The following DDX10 variants were observed in gnomAD, a reference collection of about 807,000 sequenced individuals.
The protein encoded by DDX10 is probable ATP-dependent RNA helicase DDX10.
DDX10 carries 74 observed loss-of-function variants against 104.3 expected under a neutral mutation model. That is an observed-to-expected ratio of 0.71 (90% CI 0.59 to 0.86). The LOEUF (loss-of-function observed/expected upper bound fraction) is 0.86, where lower values mean the gene tolerates loss of function less well. DDX10 is among the 40% of genes least tolerant of loss of function. The probability of loss-of-function intolerance (pLI) is 0.00; values close to 1 mark genes in which losing one functional copy is unlikely to be tolerated. For missense variants in DDX10, 952 were observed against 1,040.0 expected, an observed-to-expected ratio of 0.92 and a Z score of 1.16; for synonymous variants, 351 against 353.4, an observed-to-expected ratio of 0.99 and a Z score of 0.08.
At chr11:108,739,321 G>A (rs2094322265) in intron 13 of DDX10, among the ~76,000 whole-genome samples, 1 of 152,168 alleles carries the variant, frequency 6.6e-6, no homozygotes, top group African/African-American at 2.4e-5. Flanking sequence ...CCATGTGAAA[G>A]CCATTGCTTT....
chr11:108,883,661 C>G (rs1331111508), intron 16 of DDX10, among the ~76,000 whole-genome samples: 3 of 152,052 alleles, frequency 2.0e-5, no homozygotes, highest in Non-Finnish European at 4.4e-5. Context: ...TTACCACTTC[C>G]TCATCTCTCA....
chr11:108,915,457 T>G (rs199927894), intron 16 of DDX10, among the ~76,000 whole-genome samples: 44,256 of 149,692 alleles, frequency 0.3, 8,359 homozygotes, highest in African/African-American at 0.55. Flanking sequence ...GTTTTTTTTT[T>G]TTTGTTTGTT....
chr11:108,744,757 G>A (rs1457207601), intron 13 of DDX10, among the ~76,000 whole-genome samples: 1 of 152,168 alleles, frequency 6.6e-6, no homozygotes, highest in African/African-American at 2.4e-5. Flanking sequence ...ATACAAGATA[G>A]CAGTGTAAGA....
At chr11:108,805,819 T>C (rs975971800) in intron 13 of DDX10, among the ~76,000 whole-genome samples, 1 of 152,188 alleles carries the variant, frequency 6.6e-6, no homozygotes, top group African/African-American at 2.4e-5. Flanking sequence ...AATTTACTTA[T>C]ATTCTTGAAA....
At chr11:108,739,249 C>CT (rs763581592) in intron 13 of DDX10, among the ~76,000 whole-genome samples, 57 of 152,306 alleles carry the variant, frequency 3.7e-4, no homozygotes, top group African/African-American at 1.0e-3. Flanking sequence ...TTGTCGGCTT[C>CT]TCCCAAACGA....
chr11:108,723,192 A>T lies in DDX10; in HGVS notation c.1695A>T (p.Arg565Ser). The T allele has an allele frequency of 1.2e-6, 2 of 1,613,788 alleles. No individual in the cohort carries two copies. Among genetic ancestry groups the T allele is most frequent in the Non-Finnish European group, 1.7e-6 (2 of 1,179,878 alleles). The stretch of plus-strand genomic sequence containing the variant: ...CCATCCTTCAAAAAGGTGGAAAAAG[A>T]CTCGAAGGGACAGAGCACAGACAGG... ...KMSILQKGGK[R>S]LEGTEHRQDN... The change falls in exon 13 of 18, where the codon AGA (arginine) becomes AGT (serine). Residue 565 changes from arginine (R) to serine (S), a missense_variant. Arg to Ser is a moderately radical substitution (Grantham distance 110). Around this residue, in one of 3 missense-constraint regions of DDX10, gnomAD observed 533 missense variants for 534.1 expected, o/e 1.00. Transcript: ENST00000322536.
chr11:108,824,278 A>G (rs1035662671), intron 13 of DDX10, among the ~76,000 whole-genome samples: 3 of 152,082 alleles, frequency 2.0e-5, no homozygotes, highest in Non-Finnish European at 4.4e-5. Context: ...CGTGACCTCA[A>G]GCGATCCACC....
intron 16 of DDX10, among the ~76,000 whole-genome samples, chr11:108,878,059 A>G (rs2553758): frequency 6.6e-6 from 1 of 151,992 alleles, no homozygotes; most frequent in African/African-American, 2.4e-5. Context: ...AGGTTTTTTT[A>G]CATCTACTTA....
In DDX10 at chr11:108,843,787, T is replaced by G. The variant is rs546417060; in HGVS notation, c.2247+2311T>G. The stretch of plus-strand genomic sequence containing the variant: ...AAAAAAATTGCACATTGAGAATTCA[T>G]GCTTCTGCCTATATCTGTCTGTCTT... On this transcript the variant is annotated intron_variant, in intron 15 of 17. Transcript: ENST00000322536. Among the ~76,000 whole-genome samples, 11 of 152,194 alleles carry G rather than the reference T, an allele frequency of 7.2e-5. No homozygotes were observed. In the East Asian group the frequency reaches 2.1e-3, roughly 29 times the overall value.
intron 13 of DDX10, among the ~76,000 whole-genome samples, chr11:108,777,721 G>A (rs1443376155): frequency 2.6e-5 from 4 of 152,162 alleles, no homozygotes; most frequent in Non-Finnish European, 5.9e-5. Flanking sequence ...AAGAAATAAA[G>A]GGTATTCAGT....
chr11:108,693,484 C>G, intron 8 of DDX10, 32 bp from the exon 9 acceptor site: 1 of 1,548,754 alleles, frequency 6.5e-7, no homozygotes. Flanking sequence ...ATCTTGCAAC[C>G]AGTTTCTTAA....
intron 16 of DDX10, among the ~76,000 whole-genome samples, chr11:108,903,481 GA>G: frequency 6.6e-6 from 1 of 152,084 alleles, no homozygotes; most frequent in East Asian, 1.9e-4. Context: ...AAAAATAGTT[GA>G]AAAAAATTGC....
intron 17 of DDX10, among the ~76,000 whole-genome samples, chr11:108,927,209 A>T (rs965796181): frequency 6.6e-6 from 1 of 152,232 alleles, no homozygotes; most frequent in African/African-American, 2.4e-5. Context: ...TAATAAAGGG[A>T]GTGTGCTTTC....
At chr11:108,694,092 G>A (rs1260148542) in intron 9 of DDX10, among the ~76,000 whole-genome samples, 1 of 152,216 alleles carries the variant, frequency 6.6e-6, no homozygotes, top group Non-Finnish European at 1.5e-5. Context: ...GACACAGTGG[G>A]ATGGTGTGAC....
chr11:108,890,878 G>A (rs1202533653), intron 16 of DDX10, among the ~76,000 whole-genome samples: 6 of 152,280 alleles, frequency 3.9e-5, no homozygotes, highest in African/African-American at 1.2e-4. Context: ...TGTAGCAGCT[G>A]AGGTTAAGGT....
In DDX10 at chr11:108,836,317, A is replaced by G. The variant is rs111558984; in HGVS notation, c.1966-2129A>G. ...AAGTCAGTGTTTTAGTAATACCCACATAGTACAACCATCATTGTCAAAACA... is the reference window on the plus strand; with the variant it reads ...AAGTCAGTGTTTTAGTAATACCCACGTAGTACAACCATCATTGTCAAAACA... On this transcript the variant is annotated intron_variant, in intron 13 of 17. Transcript: ENST00000322536. Among the ~76,000 whole-genome samples the G allele has an allele frequency of 6.7e-3, 1,023 of 152,356 alleles. 15 individuals are homozygous for G. The highest frequency in any genetic ancestry group is 7.2e-3 in the Non-Finnish European group (487 of 68,042).
intron 16 of DDX10, among the ~76,000 whole-genome samples, chr11:108,872,032 A>AT (rs1863089448): frequency 6.6e-6 from 1 of 152,256 alleles, no homozygotes. Flanking sequence ...AAATGATTGC[A>AT]TTGCTAGTAG....
chr11:108,866,316 CAAGGAGA>C (rs1343908927), intron 16 of DDX10, among the ~76,000 whole-genome samples: 1 of 152,012 alleles, frequency 6.6e-6, no homozygotes, highest in Non-Finnish European at 1.5e-5. Context: ...CCAAATGCCA[CAAGGAGA>C]TGAAGTAGGT....
At chr11:108,859,376 AT>A (rs1862910903) in intron 16 of DDX10, among the ~76,000 whole-genome samples, 1 of 152,172 alleles carries the variant, frequency 6.6e-6, no homozygotes, top group Non-Finnish European at 1.5e-5. Context: ...TGTTTCTTTT[AT>A]TAAACTTGCA....
Sources: allele counts gnomAD v4.1 joint callset (sites outside exome capture counted in the v4.1 genomes callset), GRCh38; gene constraint gnomAD v4.1.1; regional missense constraint gnomAD v4.1.1; transcripts MANE v1.5; gene names NCBI Gene and HGNC (gene_info 2026-07-23, HGNC 2026-07-21).